Variants in RAI1 observed in about 807,000 individuals in gnomAD.
RAI1 encodes retinoic acid-induced protein 1.
RAI1 carries 9 observed loss-of-function variants against 123.8 expected under a neutral mutation model. The ratio of observed to expected loss-of-function variants is 0.07; its 90% CI spans 0.04 to 0.13. RAI1 has a LOEUF of 0.13. RAI1 is among the 10% of genes least tolerant of loss of function. The pLI is 1.00. For synonymous variants in RAI1, 1,231 were observed against 1,127.3 expected, an observed-to-expected ratio of 1.09 and a Z score of -1.84; for missense variants, 2,256 against 2,545.8, an observed-to-expected ratio of 0.89 and a Z score of 2.45.
chr17:17,796,958 C>T lies in RAI1; in HGVS notation c.4010C>T (p.Thr1337Ile). Residue 1337 changes from threonine (T) to isoleucine (I), a missense_variant, in exon 3 of 6, where the codon ACC becomes ATC. Coordinates refer to ENST00000353383, the MANE Select transcript of RAI1 (RefSeq NM_030665.4). The surrounding 1 kb of genome is among the most constrained non-coding windows in gnomAD (Gnocchi z 5.8). ...LKLEAIVQKI[T>I]SPSLKKFACK... is the part of the protein sequence containing the mutation. ...CTGGAAGCCATCGTGCAGAAGATCA[C>T]CTCGCCCAGCCTCAAGAAGTTCGCA... is the stretch of plus-strand genomic sequence containing the variant. The T allele has an allele frequency of 6.2e-7, 1 of 1,613,738 alleles. No homozygotes were observed. The highest frequency in any genetic ancestry group is 8.5e-7 in the Non-Finnish European group (1 of 1,180,040).
intron 1 of RAI1, among the ~76,000 whole-genome samples, chr17:17,720,984 C>T (rs1398335275): frequency 2.6e-5 from 4 of 152,028 alleles, no homozygotes; most frequent in African/African-American, 9.7e-5. Flanking sequence ...TTGAGATAAG[C>T]CACCCACCAC....
At chr17:17,781,723 G>C (rs1337049686) in intron 2 of RAI1, among the ~76,000 whole-genome samples, 2 of 152,248 alleles carry the variant, frequency 1.3e-5, no homozygotes, top group Non-Finnish European at 2.9e-5. Context: ...GGCACGGGTG[G>C]GGTCTGCCTC....
At position 17,793,659 on chromosome 17, in the gene RAI1, G is replaced by T; in HGVS notation, c.711G>T (p.Lys237Asn). 1 of 1,613,148 alleles carries T rather than the reference G, an allele frequency of 6.2e-7. No homozygotes were observed. Residue 237 changes from lysine to asparagine, a missense_variant, in exon 3 of 6, where the codon AAG becomes AAT. Lys to Asn is a moderately conservative substitution (Grantham distance 94, BLOSUM62 0). This residue lies in a region of RAI1 where 336 missense variants were observed against 349.8 expected (regional missense o/e 0.96). Transcript: ENST00000353383. ...QGGGQGAHSYKSCTAPTAQPH... is the reference protein window; with the variant it reads ...QGGGQGAHSYNSCTAPTAQPH... ...GTGGGCAGGGGGCCCACTCCTATAA[G>T]AGTTGCACAGCACCGACTGCCCAGC...
At chr17:17,776,900 A>AATCCTAT (rs1464464305) in intron 2 of RAI1, 5 of 152,034 alleles carry the variant, frequency 3.3e-5, no homozygotes, top group Non-Finnish European at 5.9e-5. Flanking sequence ...CCTATGCTCA[A>AATCCTAT]GCAATCCTCC....
chr17:17,728,351 T>A (rs1265372143), intron 2 of RAI1, among the ~76,000 whole-genome samples: 1 of 152,150 alleles, frequency 6.6e-6, no homozygotes, highest in Non-Finnish European at 1.5e-5. Context: ...CCGTCTTCCC[T>A]CTGGTCTCCA....
intron 2 of RAI1, among the ~76,000 whole-genome samples, chr17:17,751,537 A>G (rs1306041690): frequency 6.6e-6 from 1 of 152,242 alleles, no homozygotes; most frequent in East Asian, 1.9e-4. Flanking sequence ...GAGGAGGGAA[A>G]GTGAACAGAG....
intron 1 of RAI1, among the ~76,000 whole-genome samples, chr17:17,723,051 C>A (rs566603241): frequency 6.6e-6 from 1 of 152,290 alleles, no homozygotes; most frequent in East Asian, 1.9e-4. Flanking sequence ...TAACCCAAAG[C>A]CCCGTACAGG....
chr17:17,714,689 G>A lies in RAI1; in HGVS notation c.-148-9339G>A, dbSNP rs1050951513. Among the ~76,000 whole-genome samples the A allele has an allele frequency of 1.3e-5, 2 of 152,160 alleles. No individual in the cohort carries two copies. The highest frequency in any genetic ancestry group is 1.5e-5 in the Non-Finnish European group (1 of 68,030). Reference sequence around the variant, plus strand: ...ACACATTGTGGGAGTGCTGTGGGTCGAATAAGGAAGCTGAGCAGCAGGCAG... The same window carrying A: ...ACACATTGTGGGAGTGCTGTGGGTCAAATAAGGAAGCTGAGCAGCAGGCAG... On this transcript the variant is annotated intron_variant, in intron 1 of 5. Coordinates refer to ENST00000353383, the MANE Select transcript of RAI1 (RefSeq NM_030665.4). The surrounding 1 kb of genome is among the most constrained non-coding windows in gnomAD (Gnocchi z 4.9).
intron 1 of RAI1, chr17:17,684,692 A>ATGTATG (rs1485029958): frequency 9.5e-5 from 12 of 126,056 alleles, no homozygotes; most frequent in Non-Finnish European, 6.4e-5. Flanking sequence ...ATATATATAT[A>ATGTATG]TATATATATA....
At chr17:17,746,793 G>A (rs1012068501) in intron 2 of RAI1, among the ~76,000 whole-genome samples, 3 of 151,772 alleles carry the variant, frequency 2.0e-5, no homozygotes, top group Non-Finnish European at 4.4e-5. Flanking sequence ...GCACCACCAC[G>A]CCCGGCTAAT....
intron 1 of RAI1, among the ~76,000 whole-genome samples, chr17:17,703,556 G>A (rs938103617): frequency 2.0e-5 from 3 of 152,124 alleles, no homozygotes; most frequent in Non-Finnish European, 4.4e-5. Flanking sequence ...AGGGGGAGGG[G>A]GCCATTGGTG....
intron 2 of RAI1, among the ~76,000 whole-genome samples, chr17:17,730,105 G>A (rs1395353000): frequency 6.6e-6 from 1 of 152,144 alleles, no homozygotes; most frequent in Non-Finnish European, 1.5e-5. Context: ...AAAGCCCTTT[G>A]CACTGAAGCA....
In RAI1 at chr17:17,809,580, C is replaced by T. The variant is rs2032667131; in HGVS notation, c.5709+141C>T. Reference sequence around the variant, plus strand: ...GCCCTAGGGGAGGGAGCTCTCCCCGCCCACCCCCAGGAGCCCCCGCCGCCG... The same window carrying T: ...GCCCTAGGGGAGGGAGCTCTCCCCGTCCACCCCCAGGAGCCCCCGCCGCCG... On this transcript the variant is annotated intron_variant, in intron 5 of 5. Transcript: ENST00000353383. The surrounding 1 kb of genome is among the most constrained non-coding windows in gnomAD (Gnocchi z 4.9). The T allele has an allele frequency of 2.2e-6, 2 of 913,206 alleles. No homozygotes were observed. The highest frequency in any genetic ancestry group is 3.3e-6 in the Non-Finnish European group (2 of 599,340). 56.6% of individuals were successfully genotyped at this position (913,206 alleles called of 1,614,324 possible). A position where few individuals can be genotyped will look rare whatever the true frequency, so the allele number is the denominator to read the frequency against.
In RAI1 at chr17:17,805,706, G is replaced by A. The variant is rs575162974; in HGVS notation, c.5659+1857G>A. Among the ~76,000 whole-genome samples the A allele has an allele frequency of 2.0e-5, 3 of 152,342 alleles. No homozygotes were observed. The East Asian group carries it at 5.8e-4, about 29-fold the overall frequency. ...GGGCTGAGCTGCCGGGACCCAGCGG[G>A]GAAGGGGCTTGCTGGAGCAGGGACG... On this transcript the variant is annotated intron_variant, in intron 4 of 5. Transcript: ENST00000353383.
At position 17,805,414 on chromosome 17, in the gene RAI1, C is replaced by T. The variant is rs946307074; in HGVS notation, c.5659+1565C>T. ...CTCTGTGACCTCTCCCCGTCACCCTCAATCCCTCCCAACTCTGGCCTGGAA... is the reference window on the plus strand; with the variant it reads ...CTCTGTGACCTCTCCCCGTCACCCTTAATCCCTCCCAACTCTGGCCTGGAA... On this transcript the variant is annotated intron_variant, in intron 4 of 5. Coordinates refer to ENST00000353383, the MANE Select transcript of RAI1 (RefSeq NM_030665.4). Among the ~76,000 whole-genome samples, 6 of 152,322 alleles carry T rather than the reference C, an allele frequency of 3.9e-5. No homozygotes were observed. The East Asian group carries it at 9.6e-4, about 24-fold the overall frequency.
chr17:17,734,841 C>T (rs758623158), intron 2 of RAI1, among the ~76,000 whole-genome samples: 5 of 152,186 alleles, frequency 3.3e-5, no homozygotes, highest in South Asian at 2.1e-4. Context: ...GACACCAGCT[C>T]GCGACACCAG....
At chr17:17,693,372 A>G (rs147473922) in intron 1 of RAI1, among the ~76,000 whole-genome samples, 22 of 152,320 alleles carry the variant, frequency 1.4e-4, no homozygotes, top group Admixed American at 8.5e-4. Flanking sequence ...CTGATTGACA[A>G]ACAAAACAAG....
At position 17,800,769 on chromosome 17, in the gene RAI1, A is replaced by G. The variant is rs1000998986; in HGVS notation, c.5565+2256A>G. Among the ~76,000 whole-genome samples, 2 of 152,232 alleles carry G rather than the reference A, an allele frequency of 1.3e-5. No homozygotes were observed. The highest frequency in any genetic ancestry group is 2.9e-5 in the Non-Finnish European group (2 of 68,032). On this transcript the variant is annotated intron_variant, in intron 3 of 5. Transcript: ENST00000353383. The surrounding 1 kb of genome is among the most constrained non-coding windows in gnomAD (Gnocchi z 4.7). ...GATGGGACATCCTGGGAGAATGGGCAGAGTCTGGGGCTTCCCAGGGTCACT... is the reference window on the plus strand; with the variant it reads ...GATGGGACATCCTGGGAGAATGGGCGGAGTCTGGGGCTTCCCAGGGTCACT...
chr17:17,743,591 C>T (rs935822920), intron 2 of RAI1, among the ~76,000 whole-genome samples: 11 of 152,230 alleles, frequency 7.2e-5, no homozygotes, highest in African/African-American at 1.2e-4. Context: ...AGGACATGTG[C>T]GCAGCAGACC....
Sources: allele counts gnomAD v4.1 joint callset (sites outside exome capture counted in the v4.1 genomes callset), GRCh38; gene constraint gnomAD v4.1.1; regional missense constraint gnomAD v4.1.1; non-coding constraint Gnocchi (gnomAD v3.1); transcripts MANE v1.5; gene names NCBI Gene and HGNC (gene_info 2026-07-23, HGNC 2026-07-21).